UBTD1: variants seen among roughly 807,000 people sequenced by gnomAD.
UBTD1 encodes the protein ubiquitin domain containing 1, also known as ubiquitin domain-containing protein 1.
Under a neutral mutation model 21.7 loss-of-function variants are expected in UBTD1, and 19 were observed. The observed-to-expected ratio is 0.87, with a 90% CI of 0.61 to 1.28. The LOEUF is 1.28. Among genes scored for constraint, UBTD1 ranks in the 50% most tolerant of loss-of-function variants. UBTD1 has a pLI of 0.00. For synonymous variants in UBTD1, 116 were observed against 135.1 expected, an observed-to-expected ratio of 0.86 and a Z score of 0.98; for missense variants, 282 against 315.1, an observed-to-expected ratio of 0.89 and a Z score of 0.80.
intron 1 of UBTD1, among the ~76,000 whole-genome samples, chr10:97,566,363 T>G (rs901987200): frequency 2.6e-5 from 4 of 152,114 alleles, no homozygotes; most frequent in African/African-American, 9.7e-5. Flanking sequence ...GTTGTTTTCC[T>G]CCAAAGAGGG....
intron 1 of UBTD1, among the ~76,000 whole-genome samples, chr10:97,556,709 T>C (rs2040665729): frequency 6.6e-6 from 1 of 152,230 alleles, no homozygotes. Flanking sequence ...GATGACTTAA[T>C]GGTGCCAATT....
intron 1 of UBTD1, among the ~76,000 whole-genome samples, chr10:97,528,866 C>T (rs1339515611): frequency 2.7e-5 from 4 of 146,542 alleles, no homozygotes; most frequent in Non-Finnish European, 6.1e-5. Context: ...CGCCCCTCAC[C>T]TCCCGGATGG....
intron 1 of UBTD1, among the ~76,000 whole-genome samples, chr10:97,540,486 T>C (rs1481413899): frequency 6.6e-6 from 1 of 152,188 alleles, no homozygotes; most frequent in Non-Finnish European, 1.5e-5. Flanking sequence ...ACATATGAAG[T>C]GTTTAGAAGA....
chr10:97,536,869 C>A (rs778918721), intron 1 of UBTD1, among the ~76,000 whole-genome samples: 1 of 152,018 alleles, frequency 6.6e-6, no homozygotes, highest in Non-Finnish European at 1.5e-5. Flanking sequence ...TTCGGTCATA[C>A]ATTCATTCAT....
At chr10:97,513,124 C>G (rs933151720) in intron 1 of UBTD1, among the ~76,000 whole-genome samples, 7 of 152,216 alleles carry the variant, frequency 4.6e-5, no homozygotes, top group Admixed American at 1.3e-4. Context: ...TGTCTGTGGT[C>G]TGCTCTGCAC....
chr10:97,503,074 G>A (rs748975277), intron 1 of UBTD1, among the ~76,000 whole-genome samples: 2 of 151,778 alleles, frequency 1.3e-5, no homozygotes, highest in Admixed American at 6.6e-5. Flanking sequence ...GCACCACCAC[G>A]CCCAGCTAAC....
chr10:97,557,824 G>C (rs943674224), intron 1 of UBTD1, among the ~76,000 whole-genome samples: 4 of 152,124 alleles, frequency 2.6e-5, no homozygotes, highest in Non-Finnish European at 4.4e-5. Context: ...GGATAGAATA[G>C]CATTATACAA....
Position 97,499,150 on chromosome 10 carries a change from A to G in UBTD1, c.-54A>G, listed in dbSNP as rs2040293721. ...TGACCCGGGACGCCGCCGTCCGCTG[A>G]GCAGCCGACCACCCCGCCGCCTCCG... On this transcript the variant is annotated 5_prime_UTR_variant, in exon 1 of 3. Transcript: ENST00000370664. The G allele has an allele frequency of 2.7e-6, 4 of 1,492,888 alleles. No individual in the cohort carries two copies. Among genetic ancestry groups the G allele is most frequent in the Non-Finnish European group, 1.8e-6 (2 of 1,115,218 alleles). The allele number at this position is 1,492,888 out of a possible 1,614,324, so 92.5% of individuals were successfully genotyped here.
chr10:97,562,801 T>C (rs904368099), intron 1 of UBTD1, among the ~76,000 whole-genome samples: 2 of 152,106 alleles, frequency 1.3e-5, no homozygotes, highest in Admixed American at 6.5e-5. Flanking sequence ...TGTATATATG[T>C]AGGTCACAGG....
At chr10:97,533,796 A>T (rs2040545383) in intron 1 of UBTD1, among the ~76,000 whole-genome samples, 1 of 151,828 alleles carries the variant, frequency 6.6e-6, no homozygotes, top group African/African-American at 2.4e-5. Context: ...GGTGGTGCAG[A>T]CCTGTAGTCC....
chr10:97,539,739 G>C (rs1477297238), intron 1 of UBTD1, among the ~76,000 whole-genome samples: 3 of 152,156 alleles, frequency 2.0e-5, no homozygotes, highest in Admixed American at 2.0e-4. Flanking sequence ...GCTGTGTTTA[G>C]TTGGGGGTCC....
intron 1 of UBTD1, among the ~76,000 whole-genome samples, chr10:97,501,581 A>G (rs942626726): frequency 6.6e-6 from 1 of 152,188 alleles, no homozygotes; most frequent in Non-Finnish European, 1.5e-5. Flanking sequence ...TGACAGAGCG[A>G]GACTCTGTCT....
intron 1 of UBTD1, among the ~76,000 whole-genome samples, chr10:97,523,247 G>A (rs1009899269): frequency 1.3e-5 from 2 of 152,192 alleles, no homozygotes; most frequent in Non-Finnish European, 2.9e-5. Context: ...TATAGACAGT[G>A]TCTTCACCCT....
intron 1 of UBTD1, among the ~76,000 whole-genome samples, chr10:97,556,008 G>A (rs2040662412): frequency 1.3e-5 from 2 of 151,984 alleles, no homozygotes; most frequent in Non-Finnish European, 2.9e-5. Context: ...TGCTACTTAT[G>A]TCTTTTTGTG....
At chr10:97,561,077 G>A (rs924176238) in intron 1 of UBTD1, among the ~76,000 whole-genome samples, 13 of 152,226 alleles carry the variant, frequency 8.5e-5, no homozygotes, top group African/African-American at 1.4e-4. Context: ...TCAGATGTCC[G>A]GACTCCAAGT....
intron 1 of UBTD1, among the ~76,000 whole-genome samples, chr10:97,519,682 T>C (rs1351968158): frequency 6.6e-6 from 1 of 152,184 alleles, no homozygotes. Context: ...TTTTTAAATG[T>C]AGACAATTAA....
intron 1 of UBTD1, among the ~76,000 whole-genome samples, chr10:97,526,144 C>T (rs2040487270): frequency 6.6e-6 from 1 of 152,088 alleles, no homozygotes; most frequent in South Asian, 2.1e-4. Flanking sequence ...GTGTTTGGGG[C>T]GAAGCAGAGG....
intron 1 of UBTD1, among the ~76,000 whole-genome samples, chr10:97,531,356 G>A (rs556806045): frequency 2.2e-4 from 34 of 151,948 alleles, no homozygotes; most frequent in Non-Finnish European, 3.1e-4. Context: ...GATTACAGGC[G>A]TGCACCACCA....
At chr10:97,513,272 T>A (rs2040429851) in intron 1 of UBTD1, among the ~76,000 whole-genome samples, 1 of 152,204 alleles carries the variant, frequency 6.6e-6, no homozygotes, top group African/African-American at 2.4e-5. Context: ...TGGCTTATGG[T>A]CTACTTGGGA....
Sources: allele counts gnomAD v4.1 joint callset (sites outside exome capture counted in the v4.1 genomes callset), GRCh38; gene constraint gnomAD v4.1.1; transcripts MANE v1.5; gene names NCBI Gene and HGNC (gene_info 2026-07-23, HGNC 2026-07-21).